AP1B1: variants seen among roughly 807,000 people sequenced by gnomAD.
AP1B1 encodes the protein adaptor related protein complex 1 subunit beta 1, also known as AP-1 complex subunit beta-1.
A neutral mutation model predicts 104.3 loss-of-function variants in AP1B1; 36 were observed. That is an observed-to-expected ratio of 0.35 (90% CI 0.26 to 0.46). The LOEUF is 0.46. Among genes scored for constraint, AP1B1 ranks in the 20% least tolerant of loss-of-function variants. The pLI is 1.00. For synonymous variants in AP1B1, 504 were observed against 517.5 expected (o/e 0.97, Z 0.35); for missense variants, 901 against 1,247.9 (o/e 0.72, Z 4.19).
chr22:29,339,546 G>A (rs1344686496), intron 15 of AP1B1, among the ~76,000 whole-genome samples: 2 of 151,970 alleles, frequency 1.3e-5, no homozygotes, highest in Non-Finnish European at 2.9e-5. Context: ...GGGTGGTGAG[G>A]ACTGGGCAAG....
At chr22:29,329,075 C>G (rs751155902) in intron 22 of AP1B1, 180 bp from the exon 23 acceptor site, 2 of 1,413,090 alleles carry the variant, frequency 1.4e-6, no homozygotes, top group Non-Finnish European at 1.8e-6. Context: ...CGCAGCCAGC[C>G]GGGTGTGGAC....
At chr22:29,338,323 T>C (rs1429033034) in intron 16 of AP1B1, among the ~76,000 whole-genome samples, 1 of 152,180 alleles carries the variant, frequency 6.6e-6, no homozygotes, top group Non-Finnish European at 1.5e-5. Context: ...CAGAAACAAA[T>C]GGCACCACTG....
At chr22:29,366,428 G>A (rs763680409) in intron 2 of AP1B1, among the ~76,000 whole-genome samples, 10 of 152,176 alleles carry the variant, frequency 6.6e-5, no homozygotes, top group Non-Finnish European at 7.3e-5. Context: ...CCTGAGGTCA[G>A]GAGTTTCAGA....
intron 7 of AP1B1, 129 bp from the exon 8 acceptor site, chr22:29,351,954 C>T: frequency 8.1e-7 from 1 of 1,239,302 alleles, no homozygotes; most frequent in Non-Finnish European, 1.1e-6. Context: ...GGCAGAGTCA[C>T]TGCCATGGCT....
chr22:29,346,404 G>A (rs1416722416), intron 11 of AP1B1, among the ~76,000 whole-genome samples: 2 of 152,222 alleles, frequency 1.3e-5, no homozygotes, highest in African/African-American at 4.8e-5. Flanking sequence ...AGGGGATGCG[G>A]GTTGGGGGAT....
intron 2 of AP1B1, among the ~76,000 whole-genome samples, chr22:29,366,898 T>C (rs2348465): frequency 6.7e-6 from 1 of 149,856 alleles, no homozygotes; most frequent in African/African-American, 2.5e-5. Flanking sequence ...TGTGGGGGTG[T>C]TGATAGGATT....
At position 29,328,893 on chromosome 22, in the gene AP1B1, C is replaced by T. The variant is rs1387292794; in HGVS notation, c.2778G>A (p.Leu926=). 1.9e-6 allele frequency: 3 copies of T among 1,608,306 alleles called. No homozygotes were observed. The highest frequency in any genetic ancestry group is 2.2e-5 in the East Asian group (1 of 44,742). Residue 926 remains leucine, a splice_region_variant and synonymous_variant, in exon 23 of 23, where the codon CTG becomes CTA. Transcript: ENST00000357586. This position sits in a 1 kb window ranked among gnomAD's most constrained non-coding sequence, Gnocchi z 4.1. ...CCTCTGGTGCTCGACACTTCAGGGA[C>T]AGCTGCAGGGGAGAGAGGGGTCGGG... ...PGNPSCTDLE[L]SLKCRAPEVS...
chr22:29,370,922 C>T (rs1212260121), intron 1 of AP1B1, among the ~76,000 whole-genome samples: 1 of 152,168 alleles, frequency 6.6e-6, no homozygotes, highest in Non-Finnish European at 1.5e-5. Context: ...ATCTGTTTCA[C>T]ATATCCCTCT....
intron 5 of AP1B1, among the ~76,000 whole-genome samples, 193 bp from the exon 6 acceptor site, chr22:29,356,809 C>A (rs530109307): frequency 6.6e-6 from 1 of 152,340 alleles, no homozygotes; most frequent in South Asian, 2.1e-4. Context: ...TGGAACAAAA[C>A]AAGTGTGCCT....
chr22:29,330,379 G>C lies in AP1B1; in HGVS notation c.2765C>G (p.Thr922Arg). ...LRIQPGNPSC[T>R]DLELSLKCRA... is the part of the protein sequence containing the mutation. Reference sequence around the variant, plus strand: ...CAGGGCGGGTGCCGGGGCTCTCACCGTGCAGCTGGGGTTGCCCGGCTGGAT... The same window carrying C: ...CAGGGCGGGTGCCGGGGCTCTCACCCTGCAGCTGGGGTTGCCCGGCTGGAT... Residue 922 changes from threonine to arginine, a missense_variant and splice_region_variant, in exon 21 of 23, where the codon ACG becomes AGG. Around this residue, in one of 3 missense-constraint regions of AP1B1, gnomAD observed 424 missense variants for 494.0 expected, o/e 0.86. Transcript: ENST00000357586. 1 of 1,613,208 alleles carries C rather than the reference G, an allele frequency of 6.2e-7. No homozygotes were observed. The highest frequency in any genetic ancestry group is 8.5e-7 in the Non-Finnish European group (1 of 1,179,806).
At position 29,339,828 on chromosome 22, in the gene AP1B1, A is replaced by G; in HGVS notation, c.1999-54T>C. 1.9e-6 allele frequency: 3 copies of G among 1,568,820 alleles called. No individual in the cohort carries two copies. The South Asian group carries it at 3.4e-5, about 18-fold the overall frequency. The stretch of plus-strand genomic sequence containing the variant: ...AACAGGCAGCCACATGCAGAGAGAA[A>G]AAGCCAGGAAGGAAGACAGAGAAAC... On this transcript the variant is annotated intron_variant, in intron 14 of 22. Coordinates refer to ENST00000357586, the MANE Select transcript of AP1B1 (RefSeq NM_001127.4).
chr22:29,342,174 A>G, intron 12 of AP1B1, 111 bp downstream of exon 12: 1 of 874,486 alleles, frequency 1.1e-6, no homozygotes, highest in South Asian at 1.7e-5. Flanking sequence ...CCCACCCACA[A>G]GATACCTGTC....
chr22:29,379,966 A>C (rs1197341914), intron 1 of AP1B1, among the ~76,000 whole-genome samples: 1 of 152,148 alleles, frequency 6.6e-6, no homozygotes, highest in Admixed American at 6.6e-5. Flanking sequence ...CCAAAACAAG[A>C]AGTCTGTGAG....
intron 11 of AP1B1, among the ~76,000 whole-genome samples, chr22:29,343,090 C>T (rs945065870): frequency 1.3e-5 from 2 of 152,246 alleles, no homozygotes; most frequent in African/African-American, 2.4e-5. Context: ...CTAATTACTG[C>T]CCAATCTAGT....
rs143484030 is a variant in AP1B1 at position 29,359,842 on chromosome 22, G to A, written c.261C>T (p.Ala87=). ...AKSQPDMAIM[A]VNTFVKDCED... ...TGCTCACCTTCACAAAGGTGTTGAC[G>A]GCCATAATGGCCATGTCAGGCTGAC... The change falls in exon 4 of 23, where the codon GCC becomes GCT. Residue 87 remains alanine, a synonymous_variant. Transcript: ENST00000357586. The A allele has an allele frequency of 6.3e-4, 1,023 of 1,613,616 alleles. 1 individual carries two copies. The highest frequency in any genetic ancestry group is 8.0e-4 in the Non-Finnish European group (945 of 1,179,828).
chr22:29,359,784 AAGC>A, intron 4 of AP1B1, 37 bp downstream of exon 4: 1 of 1,588,512 alleles, frequency 6.3e-7, no homozygotes, highest in Middle Eastern at 1.7e-4. Context: ...ACAGAGCCTT[AAGC>A]ACCCAATGTC....
At chr22:29,336,098 A>G (rs1161762328) in intron 16 of AP1B1, among the ~76,000 whole-genome samples, 2 of 152,192 alleles carry the variant, frequency 1.3e-5, no homozygotes, top group African/African-American at 4.8e-5. Context: ...TCTTTACTGG[A>G]TGAACCAATG....
intron 2 of AP1B1, among the ~76,000 whole-genome samples, chr22:29,365,161 T>A (rs1286050401): frequency 6.6e-6 from 1 of 152,180 alleles, no homozygotes; most frequent in African/African-American, 2.4e-5. Flanking sequence ...GGGGCAGGGC[T>A]GAAACTGAAA....
intron 1 of AP1B1, among the ~76,000 whole-genome samples, chr22:29,374,321 TTAAAAGAACCATGAATTCAATTCCA>T (rs1696453113): frequency 6.6e-6 from 1 of 152,118 alleles, no homozygotes; most frequent in South Asian, 2.1e-4. Flanking sequence ...TCTGGAAATC[TTAAAAGAACCATGAATTCAATTCCA>T]TAAAAATTGA....
Sources: allele counts gnomAD v4.1 joint callset (sites outside exome capture counted in the v4.1 genomes callset), GRCh38; gene constraint gnomAD v4.1.1; regional missense constraint gnomAD v4.1.1; non-coding constraint Gnocchi (gnomAD v3.1); transcripts MANE v1.5; gene names NCBI Gene and HGNC (gene_info 2026-07-23, HGNC 2026-07-21).